FAM167A: variants seen among roughly 807,000 people sequenced by gnomAD.
The protein encoded by FAM167A is protein FAM167A.
Under a neutral mutation model 14.9 loss-of-function variants are expected in FAM167A, and 23 were observed. The observed-to-expected ratio is 1.55, with a 90% CI of 1.11 to 2.19. The LOEUF (loss-of-function observed/expected upper bound fraction) is 2.19, where lower values mean the gene tolerates loss of function less well. Among genes scored for constraint, FAM167A ranks in the 30% most tolerant of loss-of-function variants. FAM167A has a pLI of 0.00. For missense variants in FAM167A, 401 were observed against 281.5 expected, an observed-to-expected ratio of 1.42 and a Z score of -3.04; for synonymous variants, 174 against 117.7, an observed-to-expected ratio of 1.48 and a Z score of -3.10.
At position 11,445,148 on chromosome 8, in the gene FAM167A, G is replaced by A. The variant is rs1160641012; in HGVS notation, c.-397-340C>T. The A allele has an allele frequency of 1.3e-5, 13 of 985,172 alleles. No individual in the cohort carries two copies. The South Asian group carries it at 2.3e-4, about 18-fold the overall frequency. 61.0% of individuals were successfully genotyped at this position (985,172 alleles called of 1,614,324 possible). A position where few individuals can be genotyped will look rare whatever the true frequency, so the allele number is the denominator to read the frequency against. ...TATCCTAGAAGTTAAATGACTCACC[G>A]AGATCTCCCAGCAATAAGTTGTGGG... On this transcript the variant is annotated intron_variant, in intron 1 of 2. Transcript: ENST00000284486.
At chr8:11,462,353 G>A (rs761442763) in intron 1 of FAM167A, among the ~76,000 whole-genome samples, 2 of 152,216 alleles carry the variant, frequency 1.3e-5, no homozygotes, top group African/African-American at 4.8e-5. Flanking sequence ...CCACATCCAT[G>A]AAACAGGATT....
chr8:11,425,045 TG>T (rs370449107), intron 2 of FAM167A, among the ~76,000 whole-genome samples: 1 of 152,162 alleles, frequency 6.6e-6, no homozygotes, highest in Non-Finnish European at 1.5e-5. Context: ...GAAAGGTATA[TG>T]GGGGCTTTGA....
chr8:11,447,432 T>G (rs1806833007), intron 1 of FAM167A, among the ~76,000 whole-genome samples: 1 of 152,198 alleles, frequency 6.6e-6, no homozygotes, highest in African/African-American at 2.4e-5. Flanking sequence ...AAGGCCTGCA[T>G]AGACCATGTC....
chr8:11,453,820 C>T (rs1013904415), intron 1 of FAM167A, among the ~76,000 whole-genome samples: 3 of 152,098 alleles, frequency 2.0e-5, no homozygotes, highest in African/African-American at 4.8e-5. Flanking sequence ...ACGTCTACAC[C>T]GCAGCACATA....
chr8:11,426,971 T>A (rs1182138684), intron 2 of FAM167A, among the ~76,000 whole-genome samples: 1 of 152,242 alleles, frequency 6.6e-6, no homozygotes, highest in Non-Finnish European at 1.5e-5. Flanking sequence ...GATGTCAATT[T>A]ACATTGCCAG....
intron 2 of FAM167A, among the ~76,000 whole-genome samples, chr8:11,426,864 A>C (rs1259656924): frequency 2.6e-5 from 4 of 152,190 alleles, no homozygotes; most frequent in African/African-American, 9.7e-5. Context: ...AGATAACATA[A>C]ACACAAGGCA....
At chr8:11,454,690 T>C (rs4841542) in intron 1 of FAM167A, among the ~76,000 whole-genome samples, 111,278 of 152,176 alleles carry the variant, frequency 0.73, 40,848 homozygotes, top group Middle Eastern at 0.79. Flanking sequence ...AGTAAGAGGT[T>C]AGGAGGTCTG....
At chr8:11,468,678 C>T (rs1807861550), upstream of FAM167A, among the ~76,000 whole-genome samples, 1 of 152,192 alleles carries the variant, frequency 6.6e-6, no homozygotes, top group Admixed American at 6.5e-5. Flanking sequence ...GTGAATGCTC[C>T]AAGATCTTTT....
chr8:11,449,744 C>T (rs1806949013), intron 1 of FAM167A, among the ~76,000 whole-genome samples: 1 of 152,228 alleles, frequency 6.6e-6, no homozygotes, highest in Non-Finnish European at 1.5e-5. Context: ...ACCCATGCCA[C>T]ACACAGAGAC....
chr8:11,439,973 G>C (rs548637350), intron 2 of FAM167A, among the ~76,000 whole-genome samples: 46 of 152,282 alleles, frequency 3.0e-4, no homozygotes, highest in Non-Finnish European at 5.1e-4. Context: ...CTAGAGAGGA[G>C]AGAATCCCAC....
intron 2 of FAM167A, among the ~76,000 whole-genome samples, chr8:11,440,784 G>C (rs1461202776): frequency 6.6e-6 from 1 of 152,248 alleles, no homozygotes; most frequent in Non-Finnish European, 1.5e-5. Context: ...GCTTGCCCAG[G>C]TGTAGAGAAA....
In FAM167A at chr8:11,441,987, G is replaced by A. The variant is rs1470116955; in HGVS notation, c.381+2044C>T. 2.0e-5 allele frequency among the ~76,000 whole-genome samples: 3 copies of A among 152,262 alleles called. No homozygotes were observed. The South Asian group carries it at 6.2e-4, about 31-fold the overall frequency. Reference sequence around the variant, plus strand: ...TACAGGACACACCCCTGGTGGCACAGGGAAGTGGCTAGAGGAGCGGAAACA... The same window carrying A: ...TACAGGACACACCCCTGGTGGCACAAGGAAGTGGCTAGAGGAGCGGAAACA... On this transcript the variant is annotated intron_variant, in intron 2 of 2. Transcript: ENST00000284486.
chr8:11,455,731 CG>C (rs1318374570), intron 1 of FAM167A, among the ~76,000 whole-genome samples: 2 of 18,620 alleles, frequency 1.1e-4, no homozygotes, highest in African/African-American at 2.2e-4. Flanking sequence ...GTGTGAGTGT[CG>C]GGGGTGGTTG....
intron 2 of FAM167A, 49 bp downstream of exon 2, chr8:11,443,982 G>C (rs1270852040): frequency 1.3e-6 from 2 of 1,565,338 alleles, no homozygotes; most frequent in South Asian, 2.4e-5. Flanking sequence ...GACACAGAGA[G>C]ACGGTGGCAT....
Position 11,444,133 on chromosome 8 carries a change from A to AG in FAM167A, c.278dup (p.Ser94PhefsTer25), listed in dbSNP as rs771396493. 4 of 1,613,082 alleles carry AG rather than the reference A, an allele frequency of 2.5e-6. No individual in the cohort carries two copies. In the Admixed American group the frequency reaches 5.0e-5, roughly 20 times the overall value. On this transcript the variant is annotated frameshift_variant, in exon 2 of 3. Coordinates refer to ENST00000284486, the MANE Select transcript of FAM167A (RefSeq NM_053279.3). LOFTEE classifies it high-confidence loss of function. ...CACCTTGGCTGGCACTCCTGGCAGAAGGGGGGTGCTGCCCAGCCTCTCTCA... is the reference window on the plus strand; with the variant it reads ...CACCTTGGCTGGCACTCCTGGCAGAAGGGGGGGTGCTGCCCAGCCTCTCTCA...
chr8:11,444,590 G>A lies in FAM167A; in HGVS notation c.-179C>T, dbSNP rs1806667408. ...CAGGGGAGCTGAGAGGGACCGCGCAGTGAGCCGCACAGGGCGCCCTCCTGG... is the reference window on the plus strand; with the variant it reads ...CAGGGGAGCTGAGAGGGACCGCGCAATGAGCCGCACAGGGCGCCCTCCTGG... On this transcript the variant is annotated 5_prime_UTR_variant, in exon 2 of 3. Transcript: ENST00000284486. The A allele has an allele frequency of 7.0e-7, 1 of 1,424,112 alleles. No homozygotes were observed. The highest frequency in any genetic ancestry group is 9.1e-7 in the Non-Finnish European group (1 of 1,095,798). The allele number at this position is 1,424,112 out of a possible 1,614,324, so 88.2% of individuals were successfully genotyped here. A position where few individuals can be genotyped will look rare whatever the true frequency, so the allele number is the denominator to read the frequency against.
intron 2 of FAM167A, chr8:11,438,100 C>G: frequency 2.2e-6 from 1 of 456,494 alleles, no homozygotes; most frequent in African/African-American, 2.0e-5. Context: ...CACCCCAGCA[C>G]GGAAGCCAGG....
rs1270429942 is a variant in FAM167A at position 11,422,208 on chromosome 8, A to ATCTT, written c.*2161_*2164dup. On this transcript the variant is annotated 3_prime_UTR_variant, in exon 3 of 3. Coordinates refer to ENST00000284486, the MANE Select transcript of FAM167A (RefSeq NM_053279.3). ...AATTGGACTGACTACATTCAGCTAA[A>ATCTT]TCTTTCCATTTTCGCTGAACCCAAT... The ATCTT allele has an allele frequency of 5.5e-6, 1 of 181,654 alleles. No individual in the cohort carries two copies. 11.3% of individuals were successfully genotyped at this position (181,654 alleles called of 1,614,324 possible).
intron 1 of FAM167A, among the ~76,000 whole-genome samples, chr8:11,455,673 AAT>A (rs2117126732): frequency 2.4e-5 from 2 of 84,864 alleles, no homozygotes; most frequent in African/African-American, 4.8e-5. Flanking sequence ...GCTGTGTGTG[AAT>A]GTGAGTGTGG....
Sources: gnomAD v4.1 joint callset for allele counts (sites outside exome capture counted in the v4.1 genomes callset) on GRCh38, gnomAD v4.1.1 for gene constraint, MANE v1.5 for transcripts, NCBI Gene and HGNC (gene_info 2026-07-23, HGNC 2026-07-21) for gene names.